Variants in ATP8A2 observed in about 807,000 individuals in gnomAD.
The protein encoded by ATP8A2 is ATPase phospholipid transporting 8A2.
Under a neutral mutation model 165.6 loss-of-function variants are expected in ATP8A2, and 100 were observed. That is an observed-to-expected ratio of 0.60 (90% CI 0.51 to 0.71). The LOEUF is 0.71. ATP8A2 is among the 30% of genes least tolerant of loss of function. The probability of loss-of-function intolerance (pLI) is 0.00; values close to 1 mark genes in which losing one functional copy is unlikely to be tolerated. For missense variants in ATP8A2, 1,227 were observed against 1,479.5 expected (o/e 0.83, Z 2.80); for synonymous variants, 543 against 548.8 (o/e 0.99, Z 0.15).
At chr13:25,965,933 C>T (rs1385042833) in intron 34 of ATP8A2, among the ~76,000 whole-genome samples, 3 of 150,764 alleles carry the variant, frequency 2.0e-5, no homozygotes, top group African/African-American at 7.3e-5. Context: ...TTTTGCAGCA[C>T]GTTACATTTA....
At chr13:25,952,505 C>CA (rs1350440575) in intron 33 of ATP8A2, among the ~76,000 whole-genome samples, 8 of 152,046 alleles carry the variant, frequency 5.3e-5, no homozygotes, top group Non-Finnish European at 1.2e-4. Context: ...CTTAGCCTCC[C>CA]AAATTTCTGG....
chr13:25,385,420 TCCTTC>T (rs2033004966), intron 1 of ATP8A2, among the ~76,000 whole-genome samples: 1 of 152,214 alleles, frequency 6.6e-6, no homozygotes, highest in African/African-American at 2.4e-5. Context: ...TAGTAATACC[TCCTTC>T]ACTGAATTAC....
intron 34 of ATP8A2, among the ~76,000 whole-genome samples, chr13:25,963,407 A>G (rs1384703443): frequency 2.4e-5 from 1 of 42,364 alleles, no homozygotes; most frequent in African/African-American, 7.5e-5. Flanking sequence ...AAAAAAAAAA[A>G]AAAGAAAAGA....
At chr13:25,633,354 C>G (rs1336411839) in intron 24 of ATP8A2, among the ~76,000 whole-genome samples, 1 of 152,078 alleles carries the variant, frequency 6.6e-6, no homozygotes, top group Non-Finnish European at 1.5e-5. Context: ...TATGATTTCT[C>G]AGACTTCAAG....
At chr13:25,531,486 A>C (rs2038111267) in intron 4 of ATP8A2, among the ~76,000 whole-genome samples, 1 of 147,094 alleles carries the variant, frequency 6.8e-6, no homozygotes, top group African/African-American at 2.5e-5. Flanking sequence ...ATATGTTTGC[A>C]TGTGCTGTCT....
chr13:25,790,631 G>GTGTGGTGAGC (rs929137312), intron 27 of ATP8A2, among the ~76,000 whole-genome samples: 1 of 151,458 alleles, frequency 6.6e-6, no homozygotes, highest in African/African-American at 2.4e-5. Flanking sequence ...AGAGGTTGAG[G>GTGTGGTGAGC]TGTGGTGAGC....
chr13:25,528,020 G>A (rs2037897301), intron 2 of ATP8A2, among the ~76,000 whole-genome samples: 2 of 152,146 alleles, frequency 1.3e-5, no homozygotes, highest in African/African-American at 4.8e-5. Flanking sequence ...TGCTGTAGAG[G>A]TATGCATGAT....
chr13:25,651,710 G>A (rs77816175), intron 24 of ATP8A2, among the ~76,000 whole-genome samples: 2 of 151,940 alleles, frequency 1.3e-5, no homozygotes, highest in Non-Finnish European at 2.9e-5. Context: ...AGACATTTTA[G>A]GTATGTGAAT....
At chr13:25,662,331 C>T (rs1445613772) in intron 24 of ATP8A2, among the ~76,000 whole-genome samples, 1 of 152,144 alleles carries the variant, frequency 6.6e-6, no homozygotes, top group Non-Finnish European at 1.5e-5. Context: ...GATGTTTTAT[C>T]GTTGCCCCTG....
intron 1 of ATP8A2, among the ~76,000 whole-genome samples, chr13:25,400,803 A>G (rs945511530): frequency 6.6e-6 from 1 of 152,226 alleles, no homozygotes; most frequent in Non-Finnish European, 1.5e-5. Context: ...GCTTACGGGA[A>G]GGCCTTGAGG....
In ATP8A2 at chr13:25,953,569, C is replaced by T. The variant is rs1235127696; in HGVS notation, c.3184-8006C>T. ...AAAGCAAGGGAAATAGGCAAGACGG[C>T]CAAATAGGAACAGCTCCAGTCTGTA... On this transcript the variant is annotated intron_variant, in intron 33 of 36. Coordinates refer to ENST00000381655, the MANE Select transcript of ATP8A2 (RefSeq NM_016529.6). The surrounding 1 kb of genome is among the most constrained non-coding windows in gnomAD (Gnocchi z 6.7). Among the ~76,000 whole-genome samples, 7 of 140,214 alleles carry T rather than the reference C, an allele frequency of 5.0e-5. No homozygotes were observed. The highest frequency in any genetic ancestry group is 7.7e-5 in the Non-Finnish European group (5 of 65,042). The allele number at this position is 140,214 out of a possible 152,430, so 92.0% of individuals were successfully genotyped here.
chr13:25,488,364 C>T (rs1450752446), intron 2 of ATP8A2, among the ~76,000 whole-genome samples: 1 of 152,220 alleles, frequency 6.6e-6, no homozygotes, highest in Non-Finnish European at 1.5e-5. Context: ...GTTCTACTTT[C>T]TGTCCCTGTG....
At chr13:25,655,219 G>A (rs893922594) in intron 24 of ATP8A2, among the ~76,000 whole-genome samples, 1 of 152,140 alleles carries the variant, frequency 6.6e-6, no homozygotes, top group Non-Finnish European at 1.5e-5. Flanking sequence ...GAGTGCAGTG[G>A]CACAATGTCA....
rs1312948758 is a variant in ATP8A2, at chr13:25,829,668, G to GTGTATA, written c.2754+1477_2754+1478insGTATAT. ...TGTTGTAGAGCCAAGGACAGGTGTG[G>GTGTATA]TATATATATATATATATATATATAT... On this transcript the variant is annotated intron_variant, in intron 28 of 36. Transcript: ENST00000381655. 4.6e-4 allele frequency among the ~76,000 whole-genome samples: 29 copies of GTGTATA among 63,422 alleles called. 2 individuals are homozygous for GTGTATA. The highest frequency in any genetic ancestry group is 1.7e-3 in the African/African-American group (27 of 16,104). 41.6% of individuals were successfully genotyped at this position (63,422 alleles called of 152,430 possible). A position where few individuals can be genotyped will look rare whatever the true frequency, so the allele number is the denominator to read the frequency against.
At chr13:25,876,500 A>C (rs887772755) in intron 33 of ATP8A2, among the ~76,000 whole-genome samples, 2 of 152,200 alleles carry the variant, frequency 1.3e-5, no homozygotes, top group Non-Finnish European at 2.9e-5. Context: ...TGGAGCCATG[A>C]AACCTGGAAG....
At chr13:25,786,425 A>G (rs2045027246) in intron 27 of ATP8A2, among the ~76,000 whole-genome samples, 1 of 152,206 alleles carries the variant, frequency 6.6e-6, no homozygotes, top group Non-Finnish European at 1.5e-5. Flanking sequence ...ATTAAATACT[A>G]CATGTGCCTC....
At chr13:25,533,221 T>C in intron 5 of ATP8A2, 52 bp from the exon 6 acceptor site, 3 of 937,498 alleles carry the variant, frequency 3.2e-6, no homozygotes, top group East Asian at 2.4e-5. Flanking sequence ...TTTAGGAAGC[T>C]GATTCAATTT....
chr13:25,544,121 G>A (rs2138008776), intron 10 of ATP8A2, among the ~76,000 whole-genome samples: 1 of 152,328 alleles, frequency 6.6e-6, no homozygotes, highest in South Asian at 2.1e-4. Flanking sequence ...AAAATATTTA[G>A]TGACCACGTA....
chr13:25,719,467 G>GTGGA (rs1193366855), intron 25 of ATP8A2, among the ~76,000 whole-genome samples: 94 of 150,242 alleles, frequency 6.3e-4, no homozygotes, highest in East Asian at 4.1e-3. Flanking sequence ...GGGTGGATGG[G>GTGGA]TGGATGGATG....
Sources: gnomAD v4.1 joint callset for allele counts (sites outside exome capture counted in the v4.1 genomes callset) on GRCh38, gnomAD v4.1.1 for gene constraint, Gnocchi (gnomAD v3.1) non-coding constraint, MANE v1.5 for transcripts, NCBI Gene and HGNC (gene_info 2026-07-23, HGNC 2026-07-21) for gene names.